The following MAPK6 variants were observed in gnomAD, a reference collection of about 807,000 sequenced individuals.
MAPK6 encodes the protein mitogen-activated protein kinase 6, also known as ERK-3.
MAPK6 carries 19 observed loss-of-function variants against 59.3 expected under a neutral mutation model. That is an observed-to-expected ratio of 0.32 (90% CI 0.22 to 0.47). MAPK6 has a LOEUF of 0.47. Ranked by LOEUF, MAPK6 falls within the 20% of genes least tolerant of loss-of-function variation. The pLI is 1.00. For synonymous variants in MAPK6, 316 were observed against 290.3 expected, an observed-to-expected ratio of 1.09 and a Z score of -0.90; for missense variants, 724 against 847.9, an observed-to-expected ratio of 0.85 and a Z score of 1.81.
chr15:51,980,186 T>C (rs1007670295), intron 1 of MAPK6, among the ~76,000 whole-genome samples: 33 of 150,938 alleles, frequency 2.2e-4, no homozygotes, highest in South Asian at 2.1e-4. Context: ...TCCCAGCTAC[T>C]TGGGAGGCTG....
chr15:52,015,529 G>A (rs1352177398), upstream of MAPK6, among the ~76,000 whole-genome samples: 2 of 150,254 alleles, frequency 1.3e-5, no homozygotes, highest in African/African-American at 4.9e-5. Flanking sequence ...CCAGACTGGA[G>A]TGCAGTGGCA....
chr15:51,995,682 C>T (rs1210738849), intron 2 of MAPK6, among the ~76,000 whole-genome samples: 3 of 152,134 alleles, frequency 2.0e-5, no homozygotes, highest in African/African-American at 4.8e-5. Flanking sequence ...AATCCCAGCA[C>T]TGTGGGAGGC....
rs755623270 is a variant in MAPK6 at position 52,064,151 on chromosome 15, G to C, written c.1317G>C (p.Glu439Asp). 6.8e-6 allele frequency: 11 copies of C among 1,613,162 alleles called. No individual in the cohort carries two copies. The African/African-American group carries it at 1.5e-4, about 22-fold the overall frequency. The stretch of plus-strand genomic sequence containing the variant: ...ATGAAAACAAATATTGTGATCTGGA[G>C]TGTAGCCATACTTGTAACTACAAAA... ...DHHENKYCDLECSHTCNYKTR... is the reference protein window; with the variant it reads ...DHHENKYCDLDCSHTCNYKTR... The change falls in exon 6 of 6, where the codon GAG (glutamate) becomes GAC (aspartate). Residue 439 changes from glutamate to aspartate, a missense_variant. Glu to Asp is a conservative substitution (Grantham distance 45, BLOSUM62 2). Transcript: ENST00000261845.
At chr15:52,035,323 C>G (rs1049969749) in intron 1 of MAPK6, among the ~76,000 whole-genome samples, 7 of 152,176 alleles carry the variant, frequency 4.6e-5, no homozygotes, top group African/African-American at 1.7e-4. Context: ...CTGCCTTGCC[C>G]TCAGACTTGG....
At chr15:52,007,688 G>A (rs2029937799) in intron 3 of MAPK6, among the ~76,000 whole-genome samples, 1 of 146,064 alleles carries the variant, frequency 6.8e-6, no homozygotes, top group Non-Finnish European at 1.5e-5. Flanking sequence ...GGGCAATAGA[G>A]CTAGAGCTCT....
Position 52,052,545 on chromosome 15 carries a change from C to G in MAPK6, c.700+2408C>G, listed in dbSNP as rs532446335. 2.0e-4 allele frequency among the ~76,000 whole-genome samples: 31 copies of G among 151,450 alleles called. 1 individual carries two copies. The South Asian group carries it at 5.7e-3, about 28-fold the overall frequency. ...CTTGGCTCCTGAAAGATCCTGCAAA[C>G]CATTAGCAGTCACTTCTCATTTCCT... On this transcript the variant is annotated intron_variant, in intron 3 of 5. Coordinates refer to ENST00000261845, the MANE Select transcript of MAPK6 (RefSeq NM_002748.4).
In MAPK6 at chr15:51,992,305, A is replaced by ATTTTTT. The variant is rs61396800; in HGVS notation, c.-770+8999_-770+9004dup. Among the ~76,000 whole-genome samples the ATTTTTT allele has an allele frequency of 2.7e-3, 273 of 101,450 alleles. 9 individuals are homozygous for ATTTTTT. The highest frequency in any genetic ancestry group is 5.1e-3 in the South Asian group (16 of 3,154). 66.6% of individuals were successfully genotyped at this position (101,450 alleles called of 152,430 possible). On this transcript the variant is annotated intron_variant, in intron 2 of 7. Coordinates refer to the MAPK6 transcript ENST00000691380. Reference sequence around the variant, plus strand: ...TATCTATCTATCTATATATATATATATTTTTTTTTTTTTTGAGACAGAGTC... The same window carrying ATTTTTT: ...TATCTATCTATCTATATATATATATATTTTTTTTTTTTTTTTTTTTGAGACAGAGTC...
At chr15:52,008,037 G>A (rs1402969590) in intron 3 of MAPK6, among the ~76,000 whole-genome samples, 1 of 151,904 alleles carries the variant, frequency 6.6e-6, no homozygotes, top group South Asian at 2.1e-4. Flanking sequence ...AGTAGAGACG[G>A]GGTTTCACCA....
intron 2 of MAPK6, among the ~76,000 whole-genome samples, chr15:52,000,651 C>CA (rs1418215086): frequency 6.6e-6 from 1 of 152,000 alleles, no homozygotes; most frequent in East Asian, 1.9e-4. Context: ...ACTGAAAATA[C>CA]AAAAATTAGC....
chr15:52,015,208 T>G (rs1165960063), upstream of MAPK6, among the ~76,000 whole-genome samples: 1 of 151,832 alleles, frequency 6.6e-6, no homozygotes, highest in Non-Finnish European at 1.5e-5. Context: ...ACCATGTTGG[T>G]CAGGCTGGTC....
At chr15:52,012,643 T>C (rs536828616) in intron 3 of MAPK6, among the ~76,000 whole-genome samples, 3 of 152,140 alleles carry the variant, frequency 2.0e-5, no homozygotes, top group Non-Finnish European at 2.9e-5. Flanking sequence ...TCACACTGTA[T>C]GTTTTATAGC....
At position 52,001,132 on chromosome 15, in the gene MAPK6, A is replaced by G. The variant is rs74402725; in HGVS notation, c.-769-3133A>G. On this transcript the variant is annotated intron_variant, in intron 2 of 7. Transcript: ENST00000691380. ...GTGAATGGGGTTACGGCCCTTATGA[A>G]AAACATTTCATGCAGTGTTCAGCCT... 7.7e-3 allele frequency among the ~76,000 whole-genome samples: 1,178 copies of G among 152,254 alleles called. 10 individuals carry two copies. The highest frequency in any genetic ancestry group is 0.02 in the Middle Eastern group (6 of 294).
intron 2 of MAPK6, among the ~76,000 whole-genome samples, chr15:51,995,373 T>C (rs2057221476): frequency 6.6e-6 from 1 of 152,020 alleles, no homozygotes; most frequent in Admixed American, 6.6e-5. Context: ...GCTGTAGGAG[T>C]TGATGACTGA....
intron 1 of MAPK6, among the ~76,000 whole-genome samples, chr15:52,019,607 C>CGCGG (rs1054713800): frequency 6.2e-5 from 9 of 146,146 alleles, no homozygotes; most frequent in East Asian, 2.0e-4. Flanking sequence ...CGCGTCCCCG[C>CGCGG]GCGGGCGGGC....
chr15:52,063,913 G>A lies in MAPK6; in HGVS notation c.1079G>A (p.Cys360Tyr). The A allele has an allele frequency of 6.5e-7, 1 of 1,538,572 alleles. No homozygotes were observed. Among genetic ancestry groups the A allele is most frequent in the Non-Finnish European group, 8.7e-7 (1 of 1,143,720 alleles). The change falls in exon 6 of 6, where the codon TGT (cysteine) becomes TAT (tyrosine). Residue 360 changes from cysteine (C) to tyrosine (Y), a missense_variant. Physicochemically the swap from Cys to Tyr is radical, Grantham distance 194. Coordinates refer to ENST00000261845, the MANE Select transcript of MAPK6 (RefSeq NM_002748.4). ...TTGATTTTTTTCAGGTATCATGATT[G>A]TCAGTTTTCAGAGCATGATTGGCCT... ...HIYNWERYHD[C>Y]QFSEHDWPVH...
At chr15:52,025,538 C>G (rs937157930) in intron 1 of MAPK6, among the ~76,000 whole-genome samples, 1 of 152,212 alleles carries the variant, frequency 6.6e-6, no homozygotes, top group African/African-American at 2.4e-5. Flanking sequence ...CGCCGTGGCT[C>G]ACGCCTGTAA....
intron 2 of MAPK6, among the ~76,000 whole-genome samples, chr15:52,048,176 T>C (rs1350180080): frequency 6.6e-6 from 1 of 152,060 alleles, no homozygotes; most frequent in Non-Finnish European, 1.5e-5. Flanking sequence ...TGAGACTGAG[T>C]TGTGCTCTTG....
At chr15:51,975,537 C>T (rs2057154869) in intron 1 of MAPK6, among the ~76,000 whole-genome samples, 1 of 149,516 alleles carries the variant, frequency 6.7e-6, no homozygotes, top group Non-Finnish European at 1.5e-5. Context: ...AAGACTCCGT[C>T]TAAAAAAAAA....
In MAPK6 at chr15:52,064,609, C is replaced by G. The variant is rs537289987; in HGVS notation, c.1775C>G (p.Ser592Cys). The change falls in exon 6 of 6, where the codon TCT (serine) becomes TGT (cysteine). Residue 592 changes from serine (S) to cysteine (C), a missense_variant. Physicochemically the swap from Ser to Cys is moderately radical, Grantham distance 112 (BLOSUM62 -1). This residue lies in a region of MAPK6 where 502 missense variants were observed against 507.6 expected (regional missense o/e 0.99). Transcript: ENST00000261845. ...CAATTAGAAGCCTTGTACCAGTCTT[C>G]TTGGGACAGCCAGTTTGTGAGTGGT... Reference protein sequence around the residue: ...LAQLEALYQSSWDSQFVSGGE... With the variant: ...LAQLEALYQSCWDSQFVSGGE... 1.9e-6 allele frequency: 3 copies of G among 1,611,830 alleles called. No individual in the cohort carries two copies. Among genetic ancestry groups the G allele is most frequent in the Admixed American group, 3.3e-5 (2 of 60,008 alleles).
Sources: allele counts gnomAD v4.1 joint callset (sites outside exome capture counted in the v4.1 genomes callset), GRCh38; gene constraint gnomAD v4.1.1; regional missense constraint gnomAD v4.1.1; transcripts MANE v1.5; gene names NCBI Gene and HGNC (gene_info 2026-07-23, HGNC 2026-07-21).